Variants in SCHIP1 observed in about 807,000 individuals in gnomAD.
SCHIP1 encodes schwannomin interacting protein 1.
A neutral mutation model predicts 29.7 loss-of-function variants in SCHIP1; 8 were observed. That is an observed-to-expected ratio of 0.27 (90% CI 0.16 to 0.49). The LOEUF (loss-of-function observed/expected upper bound fraction) is 0.49. Among genes scored for constraint, SCHIP1 ranks in the 20% least tolerant of loss-of-function variants. SCHIP1 has a pLI of 0.99. For synonymous variants in SCHIP1, 76 were observed against 94.9 expected (o/e 0.80, Z 1.16); for missense variants, 193 against 294.6 (o/e 0.66, Z 2.52).
chr3:159,595,534 A>G, the SCHIP1 span, among the ~76,000 whole-genome samples: 1 of 152,140 alleles, frequency 6.6e-6, no homozygotes, highest in South Asian at 2.1e-4. Flanking sequence ...GAGCCATGCA[A>G]ACCTTGATCC....
chr3:159,478,644 T>C, the SCHIP1 span, among the ~76,000 whole-genome samples: 147 of 152,308 alleles, frequency 9.7e-4, no homozygotes, highest in Non-Finnish European at 1.1e-3. Context: ...AGAGATAGCA[T>C]TGAATTTTAG....
At chr3:159,326,842 C>T in the SCHIP1 span, among the ~76,000 whole-genome samples, 1 of 152,106 alleles carries the variant, frequency 6.6e-6, no homozygotes, top group African/African-American at 2.4e-5. Flanking sequence ...CATTACTTGG[C>T]TGGAGTAAAA....
chr3:159,629,701 C>T, the SCHIP1 span, among the ~76,000 whole-genome samples: 4 of 152,180 alleles, frequency 2.6e-5, no homozygotes, highest in South Asian at 8.3e-4. Flanking sequence ...ACAAAATAGA[C>T]CATGTGAAAG....
In SCHIP1 at chr3:159,865,452, T is replaced by C. The variant is rs564913049; in HGVS notation, c.31-711T>C. 6.8e-4 allele frequency among the ~76,000 whole-genome samples: 103 copies of C among 152,344 alleles called. 1 individual carries two copies. Among genetic ancestry groups the C allele is most frequent in the African/African-American group, 2.4e-3 (101 of 41,586 alleles). On this transcript the variant is annotated intron_variant, in intron 1 of 6. Coordinates refer to ENST00000445224, the Ensembl canonical transcript of SCHIP1. ...AGTGTAGTTTACCAAATCCTTTTTC[T>C]ATGCACACTGACCTGACCTCCCTTC...
chr3:159,655,789 T>G, the SCHIP1 span, among the ~76,000 whole-genome samples: 1 of 152,118 alleles, frequency 6.6e-6, no homozygotes, highest in African/African-American at 2.4e-5. Context: ...CTCAGGAGGC[T>G]GAGGCAGGAG....
the SCHIP1 span, among the ~76,000 whole-genome samples, chr3:159,826,821 C>G: frequency 1.9e-4 from 29 of 152,174 alleles, no homozygotes; most frequent in Non-Finnish European, 3.4e-4. Context: ...GAAAGAGACT[C>G]TCTTTGCTAT....
chr3:159,856,065 C>T (rs551408706), intron 1 of SCHIP1, among the ~76,000 whole-genome samples: 5 of 152,226 alleles, frequency 3.3e-5, no homozygotes, highest in South Asian at 2.1e-4. Context: ...TAGCAGAATC[C>T]GAGGTGTATG....
the SCHIP1 span, among the ~76,000 whole-genome samples, chr3:159,433,349 T>C: frequency 6.6e-6 from 1 of 152,214 alleles, no homozygotes; most frequent in Non-Finnish European, 1.5e-5. Flanking sequence ...TAGAAATTAA[T>C]GTAGTCATGT....
chr3:159,346,345 G>A, the SCHIP1 span, among the ~76,000 whole-genome samples: 1,671 of 145,826 alleles, frequency 0.011, 19 homozygotes, highest in South Asian at 0.034. Context: ...TGCTACAGCC[G>A]AAACTGCTCC....
the SCHIP1 span, among the ~76,000 whole-genome samples, chr3:159,572,710 G>A: frequency 2.5e-4 from 38 of 152,148 alleles, no homozygotes; most frequent in Non-Finnish European, 5.1e-4. Context: ...TATTGACAGT[G>A]GGGTGTTAAA....
At chr3:159,822,829 G>T in the SCHIP1 span, among the ~76,000 whole-genome samples, 1 of 151,534 alleles carries the variant, frequency 6.6e-6, no homozygotes, top group Admixed American at 6.6e-5. Context: ...TTCAGAGCAG[G>T]GTGTTAGGAA....
chr3:159,543,001 G>A, the SCHIP1 span, among the ~76,000 whole-genome samples: 7 of 151,292 alleles, frequency 4.6e-5, no homozygotes, highest in Admixed American at 1.3e-4. Flanking sequence ...CAGGAACTAG[G>A]ATACTTAAAA....
At chr3:159,426,640 T>A in the SCHIP1 span, among the ~76,000 whole-genome samples, 1 of 152,210 alleles carries the variant, frequency 6.6e-6, no homozygotes, top group Non-Finnish European at 1.5e-5. Flanking sequence ...TCTGAAACTA[T>A]TCCAATCAAT....
At chr3:159,524,820 G>A in the SCHIP1 span, among the ~76,000 whole-genome samples, 1 of 152,160 alleles carries the variant, frequency 6.6e-6, no homozygotes, top group Non-Finnish European at 1.5e-5. Flanking sequence ...TCTGCACAGA[G>A]CTATTCCTCC....
At chr3:159,886,090 T>C (rs1716934737) in intron 2 of SCHIP1, 117 bp from the exon 4 acceptor site, 1 of 991,462 alleles carries the variant, frequency 1.0e-6, no homozygotes. Context: ...GTTGCTCATT[T>C]CTCCATGTGA....
the SCHIP1 span, among the ~76,000 whole-genome samples, chr3:159,598,664 C>A: frequency 6.6e-6 from 1 of 152,086 alleles, no homozygotes; most frequent in Non-Finnish European, 1.5e-5. Context: ...GCAGCTCTTC[C>A]AGGGACAAGG....
At chr3:159,713,938 T>C in the SCHIP1 span, among the ~76,000 whole-genome samples, 2 of 152,226 alleles carry the variant, frequency 1.3e-5, no homozygotes, top group Non-Finnish European at 2.9e-5. Flanking sequence ...ACATTTATTG[T>C]TAATATTTAA....
the SCHIP1 span, among the ~76,000 whole-genome samples, chr3:159,778,737 C>T: frequency 9.9e-5 from 15 of 152,202 alleles, no homozygotes; most frequent in Non-Finnish European, 1.9e-4. Context: ...AGACAAGTCT[C>T]TAGCCTCCTC....
chr3:159,727,595 G>T, the SCHIP1 span, among the ~76,000 whole-genome samples: 4 of 152,268 alleles, frequency 2.6e-5, no homozygotes, highest in Non-Finnish European at 4.4e-5. Flanking sequence ...AGCAATAAAG[G>T]CCTTGGAGGA....
Sources: gnomAD v4.1 joint callset for allele counts (sites outside exome capture counted in the v4.1 genomes callset) on GRCh38, gnomAD v4.1.1 for gene constraint, MANE v1.5 for transcripts, NCBI Gene and HGNC (gene_info 2026-07-23, HGNC 2026-07-21) for gene names.